Variants in SLC36A3 observed in about 807,000 individuals in gnomAD.
SLC36A3 encodes proton-coupled amino acid transporter 3.
Under a neutral mutation model 44.3 loss-of-function variants are expected in SLC36A3, and 35 were observed. The ratio of observed to expected loss-of-function variants is 0.79; its 90% CI spans 0.60 to 1.05. The LOEUF (loss-of-function observed/expected upper bound fraction) is 1.05, where lower values mean the gene tolerates loss of function less well. SLC36A3 is among the 50% of genes least tolerant of loss of function. SLC36A3 has a pLI of 0.00. For synonymous variants in SLC36A3, 211 were observed against 227.6 expected, an observed-to-expected ratio of 0.93 and a Z score of 0.66; for missense variants, 540 against 578.7, an observed-to-expected ratio of 0.93 and a Z score of 0.69.
chr5:151,283,899 T>A, intron 8 of SLC36A3, 145 bp downstream of exon 8: 1 of 1,011,666 alleles, frequency 9.9e-7, no homozygotes, highest in Non-Finnish European at 1.4e-6. Flanking sequence ...TTGCTTTGAC[T>A]GATGCAGTGT....
Position 151,277,294 on chromosome 5 carries a change from A to T in SLC36A3, c.*99T>A. 2 of 1,453,082 alleles carry T rather than the reference A, an allele frequency of 1.4e-6. No individual in the cohort carries two copies. The highest frequency in any genetic ancestry group is 1.9e-6 in the Non-Finnish European group (2 of 1,062,836). 90.0% of individuals were successfully genotyped at this position (1,453,082 alleles called of 1,614,324 possible). A position where few individuals can be genotyped will look rare whatever the true frequency, so the allele number is the denominator to read the frequency against. ...GGAAAGATAAAGACGCCACTAATTA[A>T]TATAGAGATGTTGGGATTTGATGAA... On this transcript the variant is annotated 3_prime_UTR_variant, in exon 10 of 10. Coordinates refer to ENST00000335230, the MANE Select transcript of SLC36A3 (RefSeq NM_181774.4).
Position 151,296,203 on chromosome 5 carries a change from G to T in SLC36A3, c.285C>A (p.Asn95Lys). The T allele has an allele frequency of 6.2e-7, 1 of 1,614,190 alleles. No homozygotes were observed. The highest frequency in any genetic ancestry group is 8.5e-7 in the Non-Finnish European group (1 of 1,180,040). Residue 95 changes from asparagine (N) to lysine (K), a missense_variant, in exon 3 of 10, where the codon AAC (asparagine) becomes AAA (lysine). Physicochemically the swap from Asn to Lys is moderately conservative, Grantham distance 94 (BLOSUM62 0). Coordinates refer to ENST00000335230, the MANE Select transcript of SLC36A3 (RefSeq NM_181774.4). ...ACCTCTGGCTGAGGTGTTGAGCACA[G>T]TTCAACAGGATGACCATGCAGTGCA... is the stretch of plus-strand genomic sequence containing the variant. ...LTVHCMVILL[N>K]CAQHLSQRLQ...
Position 151,303,548 on chromosome 5 carries a change from G to A in SLC36A3, c.-194C>T, listed in dbSNP as rs146541130. The A allele has an allele frequency of 3.8e-6, 2 of 525,494 alleles. No homozygotes were observed. The highest frequency in any genetic ancestry group is 6.6e-6 in the Non-Finnish European group (2 of 301,642). The allele number at this position is 525,494 out of a possible 1,614,324, so 32.6% of individuals were successfully genotyped here. ...GGTGGCAGGAGAGGCTGATGTTGAT[G>A]ATGCCTCACCTGGCTCTTGGGGGAC... On this transcript the variant is annotated 5_prime_UTR_variant, in exon 1 of 10. Transcript: ENST00000335230.
rs1754630444 is a variant in SLC36A3 at position 151,288,470 on chromosome 5, C to A, written c.405G>T (p.Arg135Ser). 1.3e-6 allele frequency: 2 copies of A among 1,549,148 alleles called. No individual in the cohort carries two copies. The highest frequency in any genetic ancestry group is 2.7e-5 in the African/African-American group (2 of 72,768). Residue 135 changes from arginine (R) to serine (S), a missense_variant and splice_region_variant, in exon 5 of 10, where the codon AGG becomes AGT. Physicochemically the swap from Arg to Ser is moderately radical, Grantham distance 110. Transcript: ENST00000335230. ...TGACTAATAAGAAGCTGACAGTGTA[C>A]CTGGGAAGGAAAGGAAGAGGCAGAC... ...TWLRAHAVWG[R>S]YTVSFLLVIT...
intron 1 of SLC36A3, among the ~76,000 whole-genome samples, chr5:151,302,179 G>T (rs1277720805): frequency 2.0e-5 from 3 of 152,178 alleles, no homozygotes; most frequent in Non-Finnish European, 2.9e-5. Context: ...ATAAATATTT[G>T]TATGTTTTAT....
rs747412053 is a variant in SLC36A3 at position 151,293,330 on chromosome 5, T to G, written c.404+34A>C. 4.5e-6 allele frequency: 7 copies of G among 1,544,312 alleles called. No homozygotes were observed. In the South Asian group the frequency reaches 8.2e-5, roughly 18 times the overall value. ...ATAAAGAAAAGTGATATGATGATTT[T>G]TGTTGTTACTACTACAACATCTGTG... On this transcript the variant is annotated intron_variant, in intron 4 of 9. Transcript: ENST00000335230.
intron 3 of SLC36A3, among the ~76,000 whole-genome samples, chr5:151,294,286 C>T (rs935844548): frequency 6.6e-6 from 1 of 152,156 alleles, no homozygotes; most frequent in Non-Finnish European, 1.5e-5. Flanking sequence ...TGTTACTGCT[C>T]ACCGTGATAG....
rs1755032240 is a variant in SLC36A3, at chr5:151,298,385, T to A, written c.219+208A>T. On this transcript the variant is annotated intron_variant, in intron 2 of 9. Coordinates refer to ENST00000335230, the MANE Select transcript of SLC36A3 (RefSeq NM_181774.4). ...GCAAAGTAGAGTCAGATGAGCATGG[T>A]GAGTCTTTAAGAGTAATGGTGTGCC... is the stretch of plus-strand genomic sequence containing the variant. The A allele has an allele frequency of 9.4e-6, 5 of 529,164 alleles. No individual in the cohort carries two copies. In the South Asian group the frequency reaches 1.2e-4, roughly 13 times the overall value. The allele number at this position is 529,164 out of a possible 1,614,324, so 32.8% of individuals were successfully genotyped here.
In SLC36A3 at chr5:151,277,472, A is replaced by C; in HGVS notation, c.1334T>G (p.Phe445Cys). The C allele has an allele frequency of 6.2e-7, 1 of 1,614,180 alleles. No homozygotes were observed. ...ISIVGLLGCI[F>C]GTYQALYELP... ...CTCATAGAGGGCTTGGTATGTCCCA[A>C]ATATACACCCTAAAAGGCCCACGAT... is the stretch of plus-strand genomic sequence containing the variant. The change falls in exon 10 of 10, where the codon TTT becomes TGT. Residue 445 changes from phenylalanine to cysteine, a missense_variant. Transcript: ENST00000335230.
chr5:151,289,889 G>T (rs1754691442), intron 4 of SLC36A3, among the ~76,000 whole-genome samples: 1 of 152,154 alleles, frequency 6.6e-6, no homozygotes, highest in Non-Finnish European at 1.5e-5. Context: ...AATCTGTGGG[G>T]TAAAACTTTG....
rs778409913 is a variant in SLC36A3, at chr5:151,284,685, G to A, written c.735C>T (p.Pro245=). ...AGAAGGTCTTCCAGTTTGCCATCAA[G>A]GGTAGGTTGCTGGGATATGGAATCC... is the stretch of plus-strand genomic sequence containing the variant. ...MEGIPYPSNL[P]LMANWKTFLL... Residue 245 remains proline, a synonymous_variant, in exon 7 of 10, where the codon CCC becomes CCT. Transcript: ENST00000335230. 6.2e-7 allele frequency: 1 copy of A among 1,613,220 alleles called. No homozygotes were observed. Among genetic ancestry groups the A allele is most frequent in the African/African-American group, 1.3e-5 (1 of 74,880 alleles).
rs1754122777 is a variant in SLC36A3, at chr5:151,277,301, G to T, written c.*92C>A. On this transcript the variant is annotated 3_prime_UTR_variant, in exon 10 of 10. Coordinates refer to ENST00000335230, the MANE Select transcript of SLC36A3 (RefSeq NM_181774.4). ...TAAAGACGCCACTAATTAATATAGA[G>T]ATGTTGGGATTTGATGAAGGTATAT... 1 of 1,481,024 alleles carries T rather than the reference G, an allele frequency of 6.8e-7. No homozygotes were observed. 91.7% of individuals were successfully genotyped at this position (1,481,024 alleles called of 1,614,324 possible). A position where few individuals can be genotyped will look rare whatever the true frequency, so the allele number is the denominator to read the frequency against.
At chr5:151,289,215 T>TA (rs1243869965) in intron 4 of SLC36A3, among the ~76,000 whole-genome samples, 1 of 152,192 alleles carries the variant, frequency 6.6e-6, no homozygotes, top group Non-Finnish European at 1.5e-5. Flanking sequence ...CTATTTTAAA[T>TA]ACACTCATTC....
intron 1 of SLC36A3, among the ~76,000 whole-genome samples, chr5:151,299,264 C>CTCTCTATA (rs1372309288): frequency 3.8e-3 from 226 of 59,634 alleles, no homozygotes; most frequent in Non-Finnish European, 5.5e-3. Flanking sequence ...CTCTCTCTCT[C>CTCTCTATA]TATATATATA....
chr5:151,299,264 C>CTCTATATATATATA (rs1372309288), intron 1 of SLC36A3, among the ~76,000 whole-genome samples: 36 of 59,644 alleles, frequency 6.0e-4, no homozygotes, highest in East Asian at 6.0e-3. Flanking sequence ...CTCTCTCTCT[C>CTCTATATATATATA]TATATATATA....
intron 4 of SLC36A3, among the ~76,000 whole-genome samples, chr5:151,290,300 T>C (rs1005894123): frequency 3.3e-5 from 5 of 152,214 alleles, no homozygotes; most frequent in African/African-American, 1.2e-4. Flanking sequence ...AAATACAGGC[T>C]CCTGGTTCTC....
intron 1 of SLC36A3, among the ~76,000 whole-genome samples, chr5:151,300,452 A>G (rs1456269252): frequency 6.6e-6 from 1 of 152,220 alleles, no homozygotes; most frequent in Non-Finnish European, 1.5e-5. Context: ...CTTTACTTCC[A>G]AGAGATAACC....
At chr5:151,288,262 T>A (rs767749487) in intron 5 of SLC36A3, 124 bp downstream of exon 5, 5 of 568,558 alleles carry the variant, frequency 8.8e-6, no homozygotes, top group African/African-American at 3.9e-5. Context: ...CCAAGCGTGG[T>A]CTGATCTAGG....
chr5:151,297,396 T>C (rs940282661), intron 2 of SLC36A3: 1 of 152,196 alleles, frequency 6.6e-6, no homozygotes, highest in East Asian at 1.9e-4. Context: ...AGTCTCTGGG[T>C]TGGAACCACT....
Sources: gnomAD v4.1 joint callset for allele counts (sites outside exome capture counted in the v4.1 genomes callset) on GRCh38, gnomAD v4.1.1 for gene constraint, MANE v1.5 for transcripts, NCBI Gene and HGNC (gene_info 2026-07-23, HGNC 2026-07-21) for gene names.